Variants in INPP5D observed in about 807,000 individuals in gnomAD.
The protein encoded by INPP5D is phosphatidylinositol 3,4,5-trisphosphate 5-phosphatase 1.
In INPP5D, 33 loss-of-function variants were observed where a neutral mutation model predicts 122.9. The observed-to-expected ratio is 0.27, with a 90% confidence interval of 0.20 to 0.36. The LOEUF (loss-of-function observed/expected upper bound fraction) is 0.36, where lower values mean the gene tolerates loss of function less well. Ranked by LOEUF, INPP5D falls within the 10% of genes least tolerant of loss-of-function variation. INPP5D has a pLI of 1.00. For missense variants in INPP5D, 1,053 were observed against 1,412.7 expected (o/e 0.75, Z 4.08); for synonymous variants, 584 against 576.2 (o/e 1.01, Z -0.19).
rs908479115 is a variant in INPP5D at position 233,185,732 on chromosome 2, A to C, written c.2276-111A>C. 5.0e-6 allele frequency: 6 copies of C among 1,204,822 alleles called. No homozygotes were observed. In the African/African-American group the frequency reaches 9.4e-5, roughly 19 times the overall value. The allele number at this position is 1,204,822 out of a possible 1,614,324, so 74.6% of individuals were successfully genotyped here. ...CCCGAGATAAAAAAAAAAAAAAAAA[A>C]AAAAAGGAGAGAGCACATCTTCCTA... On this transcript the variant is annotated intron_variant, in intron 20 of 26. Coordinates refer to ENST00000445964, the MANE Select transcript of INPP5D (RefSeq NM_001017915.3).
rs1695000112 is a variant in INPP5D at position 233,189,604 on chromosome 2, G to A, written c.2359-246G>A. The stretch of plus-strand genomic sequence containing the variant: ...CCTTCTTGCTGGGACCTGGGAGCCA[G>A]CTCAGTTTAGGAGGCCTGGGGTGCA... On this transcript the variant is annotated intron_variant, in intron 21 of 26. Transcript: ENST00000445964. This position sits in a 1 kb window ranked among gnomAD's most constrained non-coding sequence, Gnocchi z 5.6. Among the ~76,000 whole-genome samples, 1 of 152,156 alleles carries A rather than the reference G, an allele frequency of 6.6e-6. No individual in the cohort carries two copies. The highest frequency in any genetic ancestry group is 2.1e-4 in the South Asian group (1 of 4,826).
intron 3 of INPP5D, among the ~76,000 whole-genome samples, chr2:233,125,108 T>A (rs72984298): frequency 0.038 from 5,835 of 152,248 alleles, 151 homozygotes; most frequent in African/African-American, 0.075. Flanking sequence ...GAATGAACCT[T>A]CTCCTAAAGG....
intron 2 of INPP5D, among the ~76,000 whole-genome samples, chr2:233,113,013 A>T (rs1692673684): frequency 6.6e-6 from 1 of 151,906 alleles, no homozygotes. Flanking sequence ...TCCCATTCCA[A>T]TCCAATGCCC....
chr2:233,118,599 T>C (rs1437193954), intron 2 of INPP5D, among the ~76,000 whole-genome samples: 2 of 152,242 alleles, frequency 1.3e-5, no homozygotes, highest in African/African-American at 4.8e-5. Flanking sequence ...CTTTGCCTGG[T>C]TGGTGCCCCG....
At chr2:233,165,206 T>G (rs1694296169) in intron 13 of INPP5D, among the ~76,000 whole-genome samples, 1 of 152,174 alleles carries the variant, frequency 6.6e-6, no homozygotes, top group South Asian at 2.1e-4. Flanking sequence ...TGAGCATGTT[T>G]ATGTGAGTCA....
At chr2:233,111,585 A>G (rs1414304143) in intron 2 of INPP5D, among the ~76,000 whole-genome samples, 1 of 152,198 alleles carries the variant, frequency 6.6e-6, no homozygotes, top group Non-Finnish European at 1.5e-5. Context: ...TCCACATGAC[A>G]TGGCCCGGAT....
intron 2 of INPP5D, among the ~76,000 whole-genome samples, chr2:233,115,860 G>T (rs1424935869): frequency 6.6e-6 from 1 of 152,086 alleles, no homozygotes; most frequent in East Asian, 1.9e-4. Context: ...AGCCAAGCAG[G>T]GTTCCTTTCC....
At chr2:233,153,572 A>C (rs1026488361) in intron 9 of INPP5D, among the ~76,000 whole-genome samples, 4 of 152,092 alleles carry the variant, frequency 2.6e-5, no homozygotes, top group Admixed American at 6.5e-5. Context: ...CTCACACAAA[A>C]CCCACAAAGG....
At chr2:233,149,498 C>T (rs561802440) in intron 9 of INPP5D, among the ~76,000 whole-genome samples, 1 of 152,240 alleles carries the variant, frequency 6.6e-6, no homozygotes, top group Non-Finnish European at 1.5e-5. Flanking sequence ...TCCCTGTGTC[C>T]TTGGAGACAG....
At position 233,206,640 on chromosome 2, in the gene INPP5D, G is replaced by A. The variant is rs1695513848; in HGVS notation, c.3568-66G>A. Reference sequence around the variant, plus strand: ...CTAGCCCACAGCATGCAGGGACCTGGGCCACTTAGTTCAACATGGCCTGGT... The same window carrying A: ...CTAGCCCACAGCATGCAGGGACCTGAGCCACTTAGTTCAACATGGCCTGGT... On this transcript the variant is annotated intron_variant, in intron 26 of 26. Coordinates refer to ENST00000445964, the MANE Select transcript of INPP5D (RefSeq NM_001017915.3). The surrounding 1 kb of genome is among the most constrained non-coding windows in gnomAD (Gnocchi z 4.0). The A allele has an allele frequency of 1.3e-6, 1 of 746,120 alleles. No homozygotes were observed. Among genetic ancestry groups the A allele is most frequent in the South Asian group, 1.4e-5 (1 of 69,488 alleles). The allele number at this position is 746,120 out of a possible 1,614,324, so 46.2% of individuals were successfully genotyped here.
chr2:233,066,415 C>G (rs1691228183), intron 1 of INPP5D, among the ~76,000 whole-genome samples: 1 of 152,186 alleles, frequency 6.6e-6, no homozygotes. Flanking sequence ...GCTGTGCACT[C>G]CTGAGGAGCA....
At chr2:233,111,074 A>G (rs572314030) in intron 2 of INPP5D, among the ~76,000 whole-genome samples, 29 of 152,336 alleles carry the variant, frequency 1.9e-4, no homozygotes, top group African/African-American at 6.7e-4. Context: ...CATACTGTTT[A>G]TCATCATTTC....
At chr2:233,153,905 C>A (rs141410484) in intron 9 of INPP5D, among the ~76,000 whole-genome samples, 76,952 of 151,650 alleles carry the variant, frequency 0.51, 20,130 homozygotes, top group East Asian at 0.66. Flanking sequence ...CAGCCCCACC[C>A]TCCCTAGGCA....
At chr2:233,130,158 G>C (rs1271341042) in intron 4 of INPP5D, among the ~76,000 whole-genome samples, 1 of 152,162 alleles carries the variant, frequency 6.6e-6, no homozygotes, top group African/African-American at 2.4e-5. Context: ...GCCTCCCAAA[G>C]TGCTGGGATT....
rs560126307 is a variant in INPP5D, at chr2:233,177,250, G to T, written c.1990-15G>T. On this transcript the variant is annotated splice_polypyrimidine_tract_variant and intron_variant, in intron 17 of 26. Transcript: ENST00000445964. The surrounding 1 kb of genome is among the most constrained non-coding windows in gnomAD (Gnocchi z 4.2). ...ATAAGAGGCATTTTTTAAAGCCTAT[G>T]ACTTTGATTTGCAGATGAAGTACAA... 6.4e-5 allele frequency: 103 copies of T among 1,613,728 alleles called. No homozygotes were observed. In the South Asian group the frequency reaches 1.1e-3, roughly 17 times the overall value.
At position 233,121,509 on chromosome 2, in the gene INPP5D, CTTTTATTTTATTTTA is replaced by C. The variant is rs57378992; in HGVS notation, c.199-579_199-565del. The stretch of plus-strand genomic sequence containing the variant: ...TAAATGTACTATTTGTATAAAAATA[CTTTTATTTTATTTTA>C]TTTTATTTTATTTTATTTCGAGACT... On this transcript the variant is annotated intron_variant, in intron 2 of 26. Transcript: ENST00000445964. Among the ~76,000 whole-genome samples, 4 of 147,352 alleles carry C rather than the reference CTTTTATTTTATTTTA, an allele frequency of 2.7e-5. No individual in the cohort carries two copies. In the East Asian group the frequency reaches 7.8e-4, roughly 29 times the overall value.
At position 233,161,598 on chromosome 2, in the gene INPP5D, C is replaced by T. The variant is rs111471357; in HGVS notation, c.1138-126C>T. The T allele has an allele frequency of 4.6e-6, 6 of 1,295,074 alleles. No individual in the cohort carries two copies. The East Asian group carries it at 1.3e-4, about 29-fold the overall frequency. 80.2% of individuals were successfully genotyped at this position (1,295,074 alleles called of 1,614,324 possible). A position where few individuals can be genotyped will look rare whatever the true frequency, so the allele number is the denominator to read the frequency against. The stretch of plus-strand genomic sequence containing the variant: ...ACTTTGGACACATGTTTCCAGGTTG[C>T]TGTCCTGGAAGTTCACACTGATTTA... On this transcript the variant is annotated intron_variant, in intron 10 of 26. Coordinates refer to ENST00000445964, the MANE Select transcript of INPP5D (RefSeq NM_001017915.3).
chr2:233,169,928 T>A (rs1012252291), intron 14 of INPP5D, 98 bp from the exon 15 acceptor site: 69 of 1,583,924 alleles, frequency 4.4e-5, no homozygotes, highest in Admixed American at 1.2e-4. Flanking sequence ...CCACCTGCTA[T>A]GCTCCTCGCC....
chr2:233,172,705 G>A (rs968170809), intron 17 of INPP5D, among the ~76,000 whole-genome samples: 1 of 152,176 alleles, frequency 6.6e-6, no homozygotes, highest in Non-Finnish European at 1.5e-5. Flanking sequence ...GATATGTTCC[G>A]AGAAGCGTGT....
Sources: gnomAD v4.1 joint callset for allele counts (sites outside exome capture counted in the v4.1 genomes callset) on GRCh38, gnomAD v4.1.1 for gene constraint, Gnocchi (gnomAD v3.1) non-coding constraint, MANE v1.5 for transcripts, NCBI Gene and HGNC (gene_info 2026-07-23, HGNC 2026-07-21) for gene names.